PKHD1: variants seen among roughly 807,000 people sequenced by gnomAD.
PKHD1 encodes the protein fibrocystin.
PKHD1 carries 291 observed loss-of-function variants against 412.0 expected under a neutral mutation model. That is an observed-to-expected ratio of 0.71 (90% CI 0.64 to 0.78). The LOEUF (loss-of-function observed/expected upper bound fraction) is 0.78. Among genes scored for constraint, PKHD1 ranks in the 30% least tolerant of loss-of-function variants. The pLI, the probability that PKHD1 is intolerant of heterozygous loss-of-function variation, is 0.00. For missense variants in PKHD1, 4,825 were observed against 4,950.7 expected (o/e 0.97, Z 0.76); for synonymous variants, 1,777 against 1,821.5 (o/e 0.98, Z 0.62).
intron 37 of PKHD1, among the ~76,000 whole-genome samples, chr6:51,930,718 G>A (rs563687821): frequency 1.3e-5 from 2 of 152,342 alleles, no homozygotes; most frequent in Admixed American, 6.5e-5. Flanking sequence ...TGTCTGCCAA[G>A]GGCCTCATTC....
intron 11 of PKHD1, among the ~76,000 whole-genome samples, chr6:52,066,444 T>A (rs1156468737): frequency 6.6e-6 from 1 of 152,156 alleles, no homozygotes; most frequent in Non-Finnish European, 1.5e-5. Context: ...TTGGGTACAC[T>A]GGGAAAGGCT....
intron 63 of PKHD1, 89 bp downstream of exon 63, chr6:51,647,942 A>G (rs1291423151): frequency 1.2e-6 from 1 of 819,466 alleles, no homozygotes; most frequent in Non-Finnish European, 2.2e-6. Flanking sequence ...AGTATTACCA[A>G]TTTTGCTATG....
At chr6:52,013,672 C>T (rs1224809015) in intron 34 of PKHD1, among the ~76,000 whole-genome samples, 1 of 151,976 alleles carries the variant, frequency 6.6e-6, no homozygotes. Context: ...ACACACTGCA[C>T]ACACACACAC....
intron 52 of PKHD1, among the ~76,000 whole-genome samples, chr6:51,806,070 T>C (rs6920518): frequency 0.65 from 82,767 of 126,474 alleles, 24,854 homozygotes; most frequent in East Asian, 0.8. Context: ...GCCACACTGA[T>C]GGGAGGGGGG....
rs1023652868 is a variant in PKHD1, at chr6:51,771,435, G to A, written c.8642+1267C>T. Among the ~76,000 whole-genome samples the A allele has an allele frequency of 1.2e-4, 18 of 152,142 alleles. 1 individual carries two copies. Among genetic ancestry groups the A allele is most frequent in the African/African-American group, 3.9e-4 (16 of 41,536 alleles). On this transcript the variant is annotated intron_variant, in intron 55 of 66. Coordinates refer to ENST00000371117, the MANE Select transcript of PKHD1 (RefSeq NM_138694.4). Reference sequence around the variant, plus strand: ...TCAGGAGTTCAACACCAGCCTGACTGACATGGTGAAACATCTCTACTAAAA... The same window carrying A: ...TCAGGAGTTCAACACCAGCCTGACTAACATGGTGAAACATCTCTACTAAAA...
chr6:51,853,272 G>A (rs1036175939), intron 49 of PKHD1, among the ~76,000 whole-genome samples: 1 of 152,212 alleles, frequency 6.6e-6, no homozygotes, highest in Non-Finnish European at 1.5e-5. Context: ...CTCCTGAGAA[G>A]TCTGCTGTTA....
At chr6:51,956,318 G>A (rs1197806280) in intron 36 of PKHD1, among the ~76,000 whole-genome samples, 2 of 151,956 alleles carry the variant, frequency 1.3e-5, no homozygotes, top group African/African-American at 2.4e-5. Context: ...GTGTGTGTGT[G>A]TGTGTGTGTG....
chr6:52,054,197 T>C, intron 19 of PKHD1, 32 bp from the exon 20 acceptor site: 1 of 1,610,888 alleles, frequency 6.2e-7, no homozygotes, highest in Non-Finnish European at 8.5e-7. Flanking sequence ...TTCAGTTCTA[T>C]TAGTGCAAGA....
rs770403400 is a variant in PKHD1 at position 51,904,057 on chromosome 6, C to T, written c.6809-15G>A. 30 of 1,553,750 alleles carry T rather than the reference C, an allele frequency of 1.9e-5. No individual in the cohort carries two copies. In the South Asian group the frequency reaches 3.2e-4, roughly 17 times the overall value. ...CGTGCATGTCCCTGAGAACAAAAGACCCCATTACTTGAGTATATTTTATGT... is the reference window on the plus strand; with the variant it reads ...CGTGCATGTCCCTGAGAACAAAAGATCCCATTACTTGAGTATATTTTATGT... On this transcript the variant is annotated splice_polypyrimidine_tract_variant and intron_variant, in intron 41 of 66. Transcript: ENST00000371117.
At chr6:51,750,308 A>G (rs1380627575) in intron 57 of PKHD1, among the ~76,000 whole-genome samples, 1 of 152,234 alleles carries the variant, frequency 6.6e-6, no homozygotes, top group Non-Finnish European at 1.5e-5. Flanking sequence ...CCTCACCAAT[A>G]GCACATAGCT....
chr6:52,082,568 G>C (rs1405674477), intron 3 of PKHD1, 26 bp from the exon 4 acceptor site: 3 of 1,612,288 alleles, frequency 1.9e-6, no homozygotes, highest in Non-Finnish European at 2.5e-6. Context: ...GAAATCTCAG[G>C]CTGCATAGAA....
intron 35 of PKHD1, among the ~76,000 whole-genome samples, chr6:51,968,061 G>A (rs1206937862): frequency 6.6e-6 from 1 of 152,028 alleles, no homozygotes; most frequent in Non-Finnish European, 1.5e-5. Context: ...CTGAAGGGAA[G>A]CAAAATGGAT....
intron 60 of PKHD1, 118 bp from the exon 61 acceptor site, chr6:51,660,087 AT>A: frequency 1.5e-6 from 1 of 676,454 alleles, no homozygotes; most frequent in Non-Finnish European, 2.5e-6. Flanking sequence ...TAAACATCTA[AT>A]TGTGCCAGAT....
chr6:51,949,860 C>CCA (rs200866245), intron 36 of PKHD1, among the ~76,000 whole-genome samples: 1 of 151,786 alleles, frequency 6.6e-6, no homozygotes, highest in Non-Finnish European at 1.5e-5. Flanking sequence ...TGGGATGGAG[C>CCA]CACACACACA....
intron 64 of PKHD1, among the ~76,000 whole-genome samples, chr6:51,633,088 T>G (rs1389452570): frequency 6.6e-6 from 1 of 152,182 alleles, no homozygotes; most frequent in Non-Finnish European, 1.5e-5. Flanking sequence ...TGTGTGAAAT[T>G]ACTTGCTCTG....
At chr6:51,695,423 A>G (rs964095038) in intron 60 of PKHD1, among the ~76,000 whole-genome samples, 3 of 152,170 alleles carry the variant, frequency 2.0e-5, no homozygotes, top group Non-Finnish European at 2.9e-5. Flanking sequence ...AAGAAGAAGA[A>G]AAATGAAGAG....
chr6:51,801,806 A>G (rs1032924915), intron 52 of PKHD1, among the ~76,000 whole-genome samples: 12 of 152,276 alleles, frequency 7.9e-5, no homozygotes, highest in African/African-American at 2.4e-4. Context: ...GTCTTTTTCA[A>G]TCACACACAG....
rs1324451751 is a variant in PKHD1, at chr6:51,649,275, G to A, written c.11175-55C>T. Reference sequence around the variant, plus strand: ...TCCTTAGGATTACACATATCCCTATGGTAGCAATTTTCCACAATCCATTAT... The same window carrying A: ...TCCTTAGGATTACACATATCCCTATAGTAGCAATTTTCCACAATCCATTAT... On this transcript the variant is annotated intron_variant, in intron 61 of 66. Transcript: ENST00000371117. 3 of 1,378,818 alleles carry A rather than the reference G, an allele frequency of 2.2e-6. No individual in the cohort carries two copies. In the African/African-American group the frequency reaches 4.3e-5, roughly 20 times the overall value. The allele number at this position is 1,378,818 out of a possible 1,614,324, so 85.4% of individuals were successfully genotyped here. A position where few individuals can be genotyped will look rare whatever the true frequency, so the allele number is the denominator to read the frequency against.
At chr6:51,990,122 T>G (rs1171505271) in intron 35 of PKHD1, among the ~76,000 whole-genome samples, 1 of 151,446 alleles carries the variant, frequency 6.6e-6, no homozygotes, top group African/African-American at 2.4e-5. Flanking sequence ...GGTGTGACCT[T>G]TTATTCTTCC....
Sources: gnomAD v4.1 joint callset for allele counts (sites outside exome capture counted in the v4.1 genomes callset) on GRCh38, gnomAD v4.1.1 for gene constraint, MANE v1.5 for transcripts, NCBI Gene and HGNC (gene_info 2026-07-23, HGNC 2026-07-21) for gene names.